The following BICC1 variants were observed in gnomAD, a reference collection of about 807,000 sequenced individuals.
BICC1 encodes protein bicaudal C homolog 1.
BICC1 carries 43 observed loss-of-function variants against 111.0 expected under a neutral mutation model. The ratio of observed to expected loss-of-function variants is 0.39; its 90% CI spans 0.30 to 0.50. The LOEUF is 0.50. Among genes scored for constraint, BICC1 ranks in the 20% least tolerant of loss-of-function variants. The pLI, the probability that BICC1 is intolerant of heterozygous loss-of-function variation, is 0.88. For missense variants in BICC1, 1,091 were observed against 1,203.2 expected (o/e 0.91, Z 1.38); for synonymous variants, 467 against 434.4 (o/e 1.07, Z -0.93).
At chr10:58,827,993 A>G (rs1404955355) in intron 20 of BICC1, among the ~76,000 whole-genome samples, 1 of 152,186 alleles carries the variant, frequency 6.6e-6, no homozygotes, top group Non-Finnish European at 1.5e-5. Flanking sequence ...TTCTCTTCCT[A>G]ATGATTATCT....
intron 18 of BICC1, among the ~76,000 whole-genome samples, chr10:58,816,617 C>T (rs1844097419): frequency 6.6e-6 from 1 of 152,046 alleles, no homozygotes; most frequent in African/African-American, 2.4e-5. Flanking sequence ...GTGTTGTCCT[C>T]CCTCACCTCT....
rs1843715789 is a variant in BICC1 at position 58,806,589 on chromosome 10, T to A, written c.2187T>A (p.Phe729Leu). 1 of 1,612,708 alleles carries A rather than the reference T, an allele frequency of 6.2e-7. No homozygotes were observed. Residue 729 changes from phenylalanine to leucine, a missense_variant, in exon 16 of 21, where the codon TTT (phenylalanine) becomes TTA (leucine). Physicochemically the swap from Phe to Leu is conservative, Grantham distance 22. Coordinates refer to ENST00000373886, the MANE Select transcript of BICC1 (RefSeq NM_001080512.3). ...ATTTTCTGTTTCATTTTCAGGCATT[T>A]GACTATGAACAGAAGAAGCTATTAG... ...PRSSYVNMQAFDYEQKKLLAT... is the reference protein window; with the variant it reads ...PRSSYVNMQALDYEQKKLLAT...
intron 1 of BICC1, among the ~76,000 whole-genome samples, chr10:58,576,431 C>A (rs1046752007): frequency 2.0e-5 from 3 of 152,148 alleles, no homozygotes; most frequent in African/African-American, 7.2e-5. Context: ...ATTTCTGTAT[C>A]ATTCTGTATT....
At chr10:58,529,496 T>C (rs563002595) in intron 1 of BICC1, among the ~76,000 whole-genome samples, 1 of 152,084 alleles carries the variant, frequency 6.6e-6, no homozygotes, top group African/African-American at 2.4e-5. Flanking sequence ...GCTTTTTCTT[T>C]TGTTTGTTAA....
intron 2 of BICC1, among the ~76,000 whole-genome samples, chr10:58,644,021 T>C (rs889138464): frequency 1.3e-5 from 2 of 152,194 alleles, no homozygotes; most frequent in African/African-American, 4.8e-5. Flanking sequence ...AAATCAGTTC[T>C]AAAAAAGTTA....
chr10:58,526,830 A>G lies in BICC1; in HGVS notation c.190+13497A>G, dbSNP rs1289801913. Among the ~76,000 whole-genome samples the G allele has an allele frequency of 2.6e-5, 4 of 152,004 alleles. No homozygotes were observed. In the South Asian group the frequency reaches 8.3e-4, roughly 32 times the overall value. ...ATTTTCTTAATTCAGTCTATCATTG[A>G]TGGACATTTGGGTTGGTTCCAAGTC... is the stretch of plus-strand genomic sequence containing the variant. On this transcript the variant is annotated intron_variant, in intron 1 of 20. Coordinates refer to ENST00000373886, the MANE Select transcript of BICC1 (RefSeq NM_001080512.3).
intron 2 of BICC1, among the ~76,000 whole-genome samples, chr10:58,635,053 A>T (rs968001444): frequency 1.3e-5 from 2 of 152,144 alleles, no homozygotes; most frequent in African/African-American, 2.4e-5. Context: ...TCACAGTTTA[A>T]ACTCCTGTTG....
intron 1 of BICC1, among the ~76,000 whole-genome samples, chr10:58,612,494 G>T (rs1394874749): frequency 3.3e-5 from 5 of 151,680 alleles, no homozygotes; most frequent in Non-Finnish European, 7.4e-5. Context: ...TAAATTTTGT[G>T]TAAAATATTT....
intron 14 of BICC1, 146 bp from the exon 15 acceptor site, chr10:58,802,931 T>A: frequency 1.4e-6 from 1 of 736,658 alleles, no homozygotes; most frequent in Non-Finnish European, 2.0e-6. Context: ...AGTACCTGTG[T>A]CATAGCATTG....
At chr10:58,798,842 A>G (rs1003947464) in intron 11 of BICC1, among the ~76,000 whole-genome samples, 1 of 152,180 alleles carries the variant, frequency 6.6e-6, no homozygotes, top group Non-Finnish European at 1.5e-5. Flanking sequence ...CATCTGTACA[A>G]TGAGAGGGTT....
intron 16 of BICC1, 67 bp downstream of exon 16, chr10:58,806,690 C>T (rs1468149862): frequency 3.8e-6 from 5 of 1,328,638 alleles, no homozygotes; most frequent in Non-Finnish European, 5.3e-6. Context: ...TTTTTGAGTA[C>T]TCATGGTGAA....
intron 2 of BICC1, among the ~76,000 whole-genome samples, chr10:58,621,962 A>C (rs1340140716): frequency 2.2e-5 from 2 of 91,300 alleles, no homozygotes; most frequent in African/African-American, 4.2e-5. Flanking sequence ...AATAGAATAG[A>C]ATAGAATAAT....
intron 1 of BICC1, among the ~76,000 whole-genome samples, chr10:58,596,689 G>A (rs1054034801): frequency 6.6e-5 from 10 of 152,148 alleles, no homozygotes; most frequent in African/African-American, 1.2e-4. Context: ...TCCTTAAGCC[G>A]ATAAGCAACT....
intron 3 of BICC1, among the ~76,000 whole-genome samples, chr10:58,784,438 CCTT>C (rs1842956219): frequency 6.6e-6 from 1 of 152,002 alleles, no homozygotes; most frequent in African/African-American, 2.4e-5. Context: ...TTTCTATTAG[CCTT>C]CACTGTGGTG....
intron 1 of BICC1, among the ~76,000 whole-genome samples, chr10:58,545,550 A>G (rs1011460466): frequency 6.6e-6 from 1 of 152,150 alleles, no homozygotes; most frequent in African/African-American, 2.4e-5. Context: ...AGAACAAGCA[A>G]ATCTACCCTC....
intron 1 of BICC1, among the ~76,000 whole-genome samples, chr10:58,546,227 C>G (rs559449721): frequency 3.9e-5 from 6 of 152,196 alleles, no homozygotes; most frequent in Admixed American, 2.0e-4. Context: ...GGTTGCAGAG[C>G]TCTAAGTAAT....
At chr10:58,774,081 A>C (rs1367322246) in intron 3 of BICC1, among the ~76,000 whole-genome samples, 1 of 151,992 alleles carries the variant, frequency 6.6e-6, no homozygotes, top group Non-Finnish European at 1.5e-5. Flanking sequence ...GCCTTCACTA[A>C]CTATTTGCCC....
intron 18 of BICC1, among the ~76,000 whole-genome samples, chr10:58,815,798 T>A (rs570856687): frequency 6.6e-6 from 1 of 152,352 alleles, no homozygotes; most frequent in East Asian, 1.9e-4. Context: ...AAATTGTTAA[T>A]AATTTAACAT....
At chr10:58,707,698 T>C (rs1589045210) in intron 3 of BICC1, among the ~76,000 whole-genome samples, 1 of 151,790 alleles carries the variant, frequency 6.6e-6, no homozygotes, top group Non-Finnish European at 1.5e-5. Context: ...CCCAGCTTAT[T>C]ATTATTATTA....
Sources: gnomAD v4.1 joint callset for allele counts (sites outside exome capture counted in the v4.1 genomes callset) on GRCh38, gnomAD v4.1.1 for gene constraint, MANE v1.5 for transcripts, NCBI Gene and HGNC (gene_info 2026-07-23, HGNC 2026-07-21) for gene names.